The following KIF25 variants were observed in gnomAD, a reference collection of about 807,000 sequenced individuals.
The protein encoded by KIF25 is kinesin-like protein KIF25.
KIF25 carries 19 observed loss-of-function variants against 32.9 expected under a neutral mutation model. The observed-to-expected ratio is 0.58, with a 90% confidence interval of 0.40 to 0.85. The LOEUF (loss-of-function observed/expected upper bound fraction) is 0.85, where lower values mean the gene tolerates loss of function less well. KIF25 is among the 40% of genes least tolerant of loss of function. The probability of loss-of-function intolerance (pLI) is 0.00; values close to 1 mark genes in which losing one functional copy is unlikely to be tolerated. For synonymous variants in KIF25, 225 were observed against 213.7 expected (o/e 1.05, Z -0.46); for missense variants, 485 against 507.0 (o/e 0.96, Z 0.42).
rs375743835 is a variant in KIF25, at chr6:168,042,036, C to A, written c.714C>A (p.Arg238=). The A allele has an allele frequency of 4.5e-6, 7 of 1,551,444 alleles. No homozygotes were observed. Among genetic ancestry groups the A allele is most frequent in the Non-Finnish European group, 6.1e-6 (7 of 1,147,092 alleles). The change falls in exon 11 of 13, where the codon CGC becomes CGA. Residue 238 remains arginine (R), a synonymous_variant. Coordinates refer to ENST00000643607, the MANE Select transcript of KIF25 (RefSeq NM_030615.4). ...QTEAGRAGRS[R]RASQGALAPQ... The stretch of plus-strand genomic sequence containing the variant: ...AGGCAGGAAGGGCAGGAAGGAGCCG[C>A]AGAGCTTCTCAAGGGGCCTTGGCTC...
At chr6:168,006,405 G>A (rs569571076) in intron 4 of KIF25, among the ~76,000 whole-genome samples, 2 of 152,234 alleles carry the variant, frequency 1.3e-5, no homozygotes, top group East Asian at 1.9e-4. Flanking sequence ...GCAATACAAC[G>A]ATCTGTTGTC....
intron 7 of KIF25, among the ~76,000 whole-genome samples, chr6:168,033,139 A>G (rs1798964874): frequency 6.6e-6 from 1 of 152,190 alleles, no homozygotes; most frequent in South Asian, 2.1e-4. Context: ...GGACCTCAGC[A>G]CATGTGGATT....
intron 8 of KIF25, 52 bp downstream of exon 8, chr6:168,034,083 C>A: frequency 3.8e-6 from 6 of 1,594,626 alleles, no homozygotes; most frequent in South Asian, 1.1e-5. Flanking sequence ...GGAAGCCAGG[C>A]GGTCAGCACC....
At chr6:168,022,635 T>C (rs374637150) in intron 5 of KIF25, among the ~76,000 whole-genome samples, 1 of 152,320 alleles carries the variant, frequency 6.6e-6, no homozygotes, top group Admixed American at 6.5e-5. Context: ...TTGTGTCTGG[T>C]TCTTGTGGCG....
intron 7 of KIF25, among the ~76,000 whole-genome samples, chr6:168,032,518 G>C (rs1408513754): frequency 6.6e-6 from 1 of 152,212 alleles, no homozygotes; most frequent in East Asian, 1.9e-4. Flanking sequence ...TAACGCAGAG[G>C]CCTGATCAGC....
At chr6:168,030,629 A>C in intron 6 of KIF25, 144 bp from the exon 7 acceptor site, 1 of 570,908 alleles carries the variant, frequency 1.8e-6, no homozygotes, top group Non-Finnish European at 3.1e-6. Context: ...AAAATAACAC[A>C]GATTAATCTT....
At chr6:168,010,099 A>T (rs2843002) in intron 4 of KIF25, among the ~76,000 whole-genome samples, 51,980 of 151,516 alleles carry the variant, frequency 0.34, 9,142 homozygotes, top group African/African-American at 0.4. Flanking sequence ...TCTATTAATT[A>T]TGGGTTTGAT....
chr6:168,031,517 G>A (rs1209188080), intron 7 of KIF25, among the ~76,000 whole-genome samples: 1 of 152,198 alleles, frequency 6.6e-6, no homozygotes, highest in Non-Finnish European at 1.5e-5. Context: ...AAAGGCACAT[G>A]ATCCAACGAG....
chr6:168,030,905 T>A, intron 7 of KIF25, 58 bp downstream of exon 7: 1 of 1,346,204 alleles, frequency 7.4e-7, no homozygotes, highest in Non-Finnish European at 1.1e-6. Flanking sequence ...ATAAAGAAGC[T>A]TCACTGTGCT....
At chr6:168,011,187 C>T (rs1195336593) in intron 4 of KIF25, among the ~76,000 whole-genome samples, 1 of 152,030 alleles carries the variant, frequency 6.6e-6, no homozygotes, top group African/African-American at 2.4e-5. Flanking sequence ...CTATCCTTTG[C>T]TTCTTACTTC....
chr6:168,043,019 C>T (rs1799153942), intron 12 of KIF25, among the ~76,000 whole-genome samples: 1 of 152,206 alleles, frequency 6.6e-6, no homozygotes, highest in Non-Finnish European at 1.5e-5. Flanking sequence ...GCTGAGGGCT[C>T]TCTAGGCTGC....
At position 168,042,119 on chromosome 6, in the gene KIF25, A is replaced by C; in HGVS notation, c.797A>C (p.Gln266Pro). The C allele has an allele frequency of 6.4e-7, 1 of 1,551,024 alleles. No individual in the cohort carries two copies. Among genetic ancestry groups the C allele is most frequent in the South Asian group, 1.2e-5 (1 of 84,032 alleles). Residue 266 changes from glutamine (Q) to proline (P), a missense_variant, in exon 11 of 13, where the codon CAG (glutamine) becomes CCG (proline). Coordinates refer to ENST00000643607, the MANE Select transcript of KIF25 (RefSeq NM_030615.4). ...GHAEQVQARL[Q>P]LVDSAGSECV... ...GCGGAGCAGGTGCAGGCTCGACTAC[A>C]GCTCGTGGACTCGGCCGGCAGCGAG...
rs375961902 is a variant in KIF25 at position 168,032,938 on chromosome 6, GGAT to G, written c.168-940_168-938del. ...AACATCTTAAACATCATGACTAAGAGGATGATTTTCTATCATACTTATTTTAAA... is the reference window on the plus strand; with the variant it reads ...AACATCTTAAACATCATGACTAAGAGGATTTTCTATCATACTTATTTTAAA... On this transcript the variant is annotated intron_variant, in intron 7 of 12. Transcript: ENST00000643607. Among the ~76,000 whole-genome samples the G allele has an allele frequency of 2.3e-3, 344 of 152,200 alleles. 1 individual carries two copies. Among genetic ancestry groups the G allele is most frequent in the African/African-American group, 7.7e-3 (319 of 41,520 alleles).
chr6:168,040,267 TAAG>T (rs1363005697), intron 10 of KIF25, 51 bp downstream of exon 10: 6 of 1,554,294 alleles, frequency 3.9e-6, no homozygotes, highest in Admixed American at 1.8e-5. Flanking sequence ...AAAACCCACT[TAAG>T]AAGAAAAAAA....
intron 5 of KIF25, among the ~76,000 whole-genome samples, chr6:168,024,411 A>G (rs1798829909): frequency 6.9e-6 from 1 of 145,530 alleles, no homozygotes. Context: ...TAATCTTAGT[A>G]AAAACCTCTC....
chr6:168,035,441 A>G (rs796944636), intron 8 of KIF25, among the ~76,000 whole-genome samples: 3,156 of 11,960 alleles, frequency 0.26, 146 homozygotes, highest in East Asian at 0.33. Flanking sequence ...GGCGCGGCGG[A>G]GGAGGCGGGA....
chr6:168,003,185 A>G (rs1798530504), intron 3 of KIF25, among the ~76,000 whole-genome samples: 1 of 152,210 alleles, frequency 6.6e-6, no homozygotes, highest in African/African-American at 2.4e-5. Flanking sequence ...TTACTGGAGT[A>G]TGGATGACTC....
rs549596843 is a variant in KIF25 at position 167,998,517 on chromosome 6, G to A, written c.-952G>A. ...GATTTGGCAAGTTCTGAGCACATAC[G>A]GAGAAGATGTGTTGCTCACTGGAAA... On this transcript the variant is annotated 5_prime_UTR_variant, in exon 1 of 13. Coordinates refer to ENST00000643607, the MANE Select transcript of KIF25 (RefSeq NM_030615.4). 5 of 152,280 alleles carry A rather than the reference G, an allele frequency of 3.3e-5. No homozygotes were observed. The highest frequency in any genetic ancestry group is 6.5e-5 in the Admixed American group (1 of 15,292). The allele number at this position is 152,280 out of a possible 1,614,324, so 9.4% of individuals were successfully genotyped here. A position where few individuals can be genotyped will look rare whatever the true frequency, so the allele number is the denominator to read the frequency against.
intron 4 of KIF25, among the ~76,000 whole-genome samples, chr6:168,011,414 T>C (rs1798645416): frequency 6.6e-6 from 1 of 152,232 alleles, no homozygotes; most frequent in Non-Finnish European, 1.5e-5. Flanking sequence ...TTTTTACTTG[T>C]CTGTGAAAGA....
Sources: allele counts gnomAD v4.1 joint callset (sites outside exome capture counted in the v4.1 genomes callset), GRCh38; gene constraint gnomAD v4.1.1; transcripts MANE v1.5; gene names NCBI Gene and HGNC (gene_info 2026-07-23, HGNC 2026-07-21).